The following GNG11 variants were observed in gnomAD, a reference collection of about 807,000 sequenced individuals.
GNG11 encodes guanine nucleotide-binding protein G(I)/G(S)/G(O) subunit gamma-11.
A neutral mutation model predicts 7.4 loss-of-function variants in GNG11; 6 were observed. The observed-to-expected ratio is 0.81, with a 90% CI of 0.44 to 1.60. The LOEUF is 1.60. Ranked by LOEUF, GNG11 falls within the 40% of genes most tolerant of loss-of-function variation. The probability of loss-of-function intolerance (pLI) is 0.01; values close to 1 mark genes in which losing one functional copy is unlikely to be tolerated. For synonymous variants in GNG11, 31 were observed against 25.9 expected, an observed-to-expected ratio of 1.20 and a Z score of -0.60; for missense variants, 65 against 83.0, an observed-to-expected ratio of 0.78 and a Z score of 0.84.
chr7:93,926,320 G>A lies in GNG11; in HGVS notation c.*104G>A, dbSNP rs1390152607. ...AAGGAAGGAAGAATGAAATTAAAAG[G>A]AGACTTTCTTAAGCACCATATAGAT... On this transcript the variant is annotated 3_prime_UTR_variant, in exon 2 of 2. Coordinates refer to ENST00000248564, the MANE Select transcript of GNG11 (RefSeq NM_004126.4). 17 of 894,954 alleles carry A rather than the reference G, an allele frequency of 1.9e-5. No homozygotes were observed. The highest frequency in any genetic ancestry group is 2.6e-5 in the Admixed American group (1 of 38,764). The allele number at this position is 894,954 out of a possible 1,614,324, so 55.4% of individuals were successfully genotyped here. A position where few individuals can be genotyped will look rare whatever the true frequency, so the allele number is the denominator to read the frequency against.
chr7:93,926,198 C>A lies in GNG11; in HGVS notation c.204C>A (p.Gly68=). ...ACAAGAACCCCTTTAAAGAAAAAGG[C>A]AGCTGTGTTATTTCATAAATAACTT... ...PEDKNPFKEK[G]SCVIS is the part of the protein sequence containing the mutation. The change falls in exon 2 of 2, where the codon GGC becomes GGA. Residue 68 remains glycine (G), a synonymous_variant. Transcript: ENST00000248564. The A allele has an allele frequency of 6.3e-7, 1 of 1,583,926 alleles. No individual in the cohort carries two copies. The highest frequency in any genetic ancestry group is 8.6e-7 in the Non-Finnish European group (1 of 1,166,574).
rs1378009692 is a variant in GNG11, at chr7:93,922,162, T to C, written c.25T>C (p.Leu9=). 1 of 1,594,562 alleles carries C rather than the reference T, an allele frequency of 6.3e-7. No individual in the cohort carries two copies. Among genetic ancestry groups the C allele is most frequent in the East Asian group, 2.3e-5 (1 of 44,362 alleles). Residue 9 remains leucine (L), a synonymous_variant, in exon 1 of 2, where the codon TTG becomes CTG. Transcript: ENST00000248564. MPALHIED[L]PEKEKLKMEV... ...AATGCCTGCCCTTCACATCGAAGATTTGCCAGAGAAGGAAAAACTGAAAAT... is the reference window on the plus strand; with the variant it reads ...AATGCCTGCCCTTCACATCGAAGATCTGCCAGAGAAGGAAAAACTGAAAAT...
Position 93,926,332 on chromosome 7 carries a change from A to G in GNG11, c.*116A>G. On this transcript the variant is annotated 3_prime_UTR_variant, in exon 2 of 2. Transcript: ENST00000248564. ...ATGAAATTAAAAGGAGACTTTCTTA[A>G]GCACCATATAGATAGGGTTATGTAT... 1.3e-6 allele frequency: 1 copy of G among 747,668 alleles called. No individual in the cohort carries two copies. The highest frequency in any genetic ancestry group is 2.2e-6 in the Non-Finnish European group (1 of 461,458). 46.3% of individuals were successfully genotyped at this position (747,668 alleles called of 1,614,324 possible). A position where few individuals can be genotyped will look rare whatever the true frequency, so the allele number is the denominator to read the frequency against.
intron 1 of GNG11, among the ~76,000 whole-genome samples, chr7:93,924,609 G>T (rs1213572154): frequency 6.6e-6 from 1 of 152,170 alleles, no homozygotes. Flanking sequence ...ATCATTTGGG[G>T]TGTGGAAGTA....
Position 93,925,008 on chromosome 7 carries a change from C to CA in GNG11, c.97-1077dup, listed in dbSNP as rs536237187. On this transcript the variant is annotated intron_variant, in intron 1 of 1. Transcript: ENST00000248564. ...TGAAACCCCGTCTCTACTAAAAATACAAAAAATTAGCCAGGCGTGGTGGTG... is the reference window on the plus strand; with the variant it reads ...TGAAACCCCGTCTCTACTAAAAATACAAAAAAATTAGCCAGGCGTGGTGGTG... 9.8e-3 allele frequency among the ~76,000 whole-genome samples: 1,490 copies of CA among 152,138 alleles called. 16 individuals are homozygous for CA. Among genetic ancestry groups the CA allele is most frequent in the Non-Finnish European group, 0.014 (940 of 67,980 alleles).
intron 1 of GNG11, among the ~76,000 whole-genome samples, chr7:93,924,995 T>A (rs186678670): frequency 6.6e-6 from 1 of 152,092 alleles, no homozygotes; most frequent in African/African-American, 2.4e-5. Flanking sequence ...AAACCCCGTC[T>A]CTACTAAAAA....
At chr7:93,923,107 A>G (rs1794636461) in intron 1 of GNG11, among the ~76,000 whole-genome samples, 1 of 152,230 alleles carries the variant, frequency 6.6e-6, no homozygotes, top group Non-Finnish European at 1.5e-5. Flanking sequence ...TTTAAAGATA[A>G]TTAACCTTTC....
intron 1 of GNG11, among the ~76,000 whole-genome samples, chr7:93,925,644 T>TCTA (rs1285642447): frequency 6.6e-6 from 1 of 152,206 alleles, no homozygotes; most frequent in Non-Finnish European, 1.5e-5. Flanking sequence ...TTGGGGATTA[T>TCTA]CTACTACTGC....
At chr7:93,925,377 A>C (rs1794663293) in intron 1 of GNG11, among the ~76,000 whole-genome samples, 1 of 152,162 alleles carries the variant, frequency 6.6e-6, no homozygotes, top group Non-Finnish European at 1.5e-5. Flanking sequence ...TTTTGAAGAC[A>C]CTATTCAATT....
At chr7:93,926,006 T>G in intron 1 of GNG11, 85 bp from the exon 2 acceptor site, 1 of 652,294 alleles carries the variant, frequency 1.5e-6, no homozygotes, top group Non-Finnish European at 2.4e-6. Flanking sequence ...CTTATTGTAT[T>G]CAATTATACT....
Position 93,926,072 on chromosome 7 carries a change from T to C in GNG11, c.97-19T>C, listed in dbSNP as rs1794675494. ...AACAACCCTAACCTAATGTATTCTCTTTTTTTTCTATACTTAAGGTGTCTA... is the reference window on the plus strand; with the variant it reads ...AACAACCCTAACCTAATGTATTCTCCTTTTTTTCTATACTTAAGGTGTCTA... On this transcript the variant is annotated intron_variant, in intron 1 of 1. Coordinates refer to ENST00000248564, the MANE Select transcript of GNG11 (RefSeq NM_004126.4). The C allele has an allele frequency of 2.1e-6, 3 of 1,438,624 alleles. No homozygotes were observed. Among genetic ancestry groups the C allele is most frequent in the Non-Finnish European group, 2.8e-6 (3 of 1,061,180 alleles). 89.1% of individuals were successfully genotyped at this position (1,438,624 alleles called of 1,614,324 possible).
chr7:93,922,916 T>C (rs938787113), intron 1 of GNG11, among the ~76,000 whole-genome samples: 1 of 152,220 alleles, frequency 6.6e-6, no homozygotes, highest in African/African-American at 2.4e-5. Context: ...GAGATTACCA[T>C]TTCATTGAGA....
chr7:93,927,627 T>C lies in GNG11; in HGVS notation c.*1411T>C, dbSNP rs1331838236. 1 of 152,226 alleles carries C rather than the reference T, an allele frequency of 6.6e-6. No individual in the cohort carries two copies. The highest frequency in any genetic ancestry group is 2.4e-5 in the African/African-American group (1 of 41,452). The allele number at this position is 152,226 out of a possible 1,614,324, so 9.4% of individuals were successfully genotyped here. A position where few individuals can be genotyped will look rare whatever the true frequency, so the allele number is the denominator to read the frequency against. On this transcript the variant is annotated 3_prime_UTR_variant, in exon 2 of 2. Coordinates refer to ENST00000248564, the MANE Select transcript of GNG11 (RefSeq NM_004126.4). ...CTTACTATCAAGCGAGAGAGGCGCC[T>C]GTAACCTGTAGCAGCTTTCTAAAGT...
rs560744586 is a variant in GNG11, at chr7:93,927,381, C to G, written c.*1165C>G. ...AAGCCCAAACCTCACAAAAAGGGACCTTTCTTTCTCACCTTGAGCATTCTC... is the reference window on the plus strand; with the variant it reads ...AAGCCCAAACCTCACAAAAAGGGACGTTTCTTTCTCACCTTGAGCATTCTC... On this transcript the variant is annotated 3_prime_UTR_variant, in exon 2 of 2. Coordinates refer to ENST00000248564, the MANE Select transcript of GNG11 (RefSeq NM_004126.4). 2.6e-5 allele frequency: 4 copies of G among 152,296 alleles called. No individual in the cohort carries two copies. Among genetic ancestry groups the G allele is most frequent in the Admixed American group, 6.5e-5 (1 of 15,304 alleles). The allele number at this position is 152,296 out of a possible 1,614,324, so 9.4% of individuals were successfully genotyped here.
intron 1 of GNG11, among the ~76,000 whole-genome samples, chr7:93,925,401 A>G (rs1309073691): frequency 6.6e-6 from 1 of 152,278 alleles, no homozygotes; most frequent in Admixed American, 6.5e-5. Flanking sequence ...TCTCCATCTC[A>G]GAAAAAAATT....
At position 93,924,981 on chromosome 7, in the gene GNG11, G is replaced by A. The variant is rs919788858; in HGVS notation, c.97-1110G>A. Reference sequence around the variant, plus strand: ...AGATCAAGACCATGCTGGCTAACGTGGTGAAACCCCGTCTCTACTAAAAAT... The same window carrying A: ...AGATCAAGACCATGCTGGCTAACGTAGTGAAACCCCGTCTCTACTAAAAAT... On this transcript the variant is annotated intron_variant, in intron 1 of 1. Transcript: ENST00000248564. Among the ~76,000 whole-genome samples the A allele has an allele frequency of 4.6e-4, 70 of 152,254 alleles. 1 individual carries two copies. Among genetic ancestry groups the A allele is most frequent in the Admixed American group, 1.7e-3 (26 of 15,286 alleles).
chr7:93,925,402 G>GA (rs1794663981), intron 1 of GNG11, among the ~76,000 whole-genome samples: 2 of 151,868 alleles, frequency 1.3e-5, no homozygotes, highest in Non-Finnish European at 2.9e-5. Flanking sequence ...CTCCATCTCA[G>GA]AAAAAAATTT....
In GNG11 at chr7:93,926,300, AG is replaced by A; in HGVS notation, c.*86del. 1 of 1,040,650 alleles carries A rather than the reference AG, an allele frequency of 9.6e-7. No homozygotes were observed. Among genetic ancestry groups the A allele is most frequent in the Non-Finnish European group, 1.4e-6 (1 of 722,790 alleles). The allele number at this position is 1,040,650 out of a possible 1,614,324, so 64.5% of individuals were successfully genotyped here. On this transcript the variant is annotated 3_prime_UTR_variant, in exon 2 of 2. Coordinates refer to ENST00000248564, the MANE Select transcript of GNG11 (RefSeq NM_004126.4). ...ATAAAACCAACATGCTTTTTAAGGAAGGAAGAATGAAATTAAAAGGAGACTT... is the reference window on the plus strand; with the variant it reads ...ATAAAACCAACATGCTTTTTAAGGAAGAAGAATGAAATTAAAAGGAGACTT...
At chr7:93,923,014 C>T (rs1794635350) in intron 1 of GNG11, among the ~76,000 whole-genome samples, 2 of 152,168 alleles carry the variant, frequency 1.3e-5, no homozygotes, top group African/African-American at 2.4e-5. Flanking sequence ...TCATCAAGAC[C>T]TTCCTTCAGA....
Sources: allele counts gnomAD v4.1 joint callset (sites outside exome capture counted in the v4.1 genomes callset), GRCh38; gene constraint gnomAD v4.1.1; transcripts MANE v1.5; gene names NCBI Gene and HGNC (gene_info 2026-07-23, HGNC 2026-07-21).